Variants in SPRING1 observed in about 807,000 individuals in gnomAD.
SPRING1 encodes SREBP regulating gene protein.
In SPRING1, 14 loss-of-function variants were observed where a neutral mutation model predicts 24.7. The ratio of observed to expected loss-of-function variants is 0.57; its 90% CI spans 0.37 to 0.88. The LOEUF is 0.88. Among genes scored for constraint, SPRING1 ranks in the 40% least tolerant of loss-of-function variants. The pLI, the probability that SPRING1 is intolerant of heterozygous loss-of-function variation, is 0.00. For missense variants in SPRING1, 255 were observed against 268.4 expected (o/e 0.95, Z 0.35); for synonymous variants, 93 against 106.1 (o/e 0.88, Z 0.76).
chr12:116,731,627 G>A (rs2137044182), intron 1 of SPRING1, among the ~76,000 whole-genome samples: 1 of 152,214 alleles, frequency 6.6e-6, no homozygotes, highest in African/African-American at 2.4e-5. Context: ...GCCCACGCCT[G>A]TAGTCCCAAC....
rs772350394 is a variant in SPRING1 at position 116,723,065 on chromosome 12, A to G, written c.268+2T>C. 90 of 1,612,208 alleles carry G rather than the reference A, an allele frequency of 5.6e-5. No homozygotes were observed. The highest frequency in any genetic ancestry group is 7.2e-5 in the Non-Finnish European group (85 of 1,180,018). On this transcript the variant is annotated splice_donor_variant, in intron 2 of 4. Coordinates refer to ENST00000261318, the MANE Select transcript of SPRING1 (RefSeq NM_024738.4). LOFTEE classifies it high-confidence loss of function. ...CTGGAGAGGAAGGGAAGCCAGCCTC[A>G]CCGAGTTCATCCGTGATGAGGTGCT...
intron 4 of SPRING1, 21 bp downstream of exon 4, chr12:116,719,742 A>C: frequency 5.6e-6 from 9 of 1,594,358 alleles, no homozygotes; most frequent in African/African-American, 1.3e-5. Flanking sequence ...TCCCACAGCT[A>C]GAGACATCAC....
In SPRING1 at chr12:116,720,575, G is replaced by A. The variant is rs12321207; in HGVS notation, c.269-128C>T. The A allele has an allele frequency of 2.5e-3, 3,119 of 1,262,630 alleles. 49 individuals carry two copies. The African/African-American group carries it at 0.03, about 12-fold the overall frequency. 78.2% of individuals were successfully genotyped at this position (1,262,630 alleles called of 1,614,324 possible). A position where few individuals can be genotyped will look rare whatever the true frequency, so the allele number is the denominator to read the frequency against. ...AGTCTGGGGCATCATCCTAAGCACC[G>A]GAGAGCTGGAAACTGGACATAATGT... On this transcript the variant is annotated intron_variant, in intron 2 of 4. Transcript: ENST00000261318. This position sits in a 1 kb window ranked among gnomAD's most constrained non-coding sequence, Gnocchi z 4.0.
chr12:116,723,818 G>A (rs765209622), intron 1 of SPRING1, among the ~76,000 whole-genome samples: 27 of 152,134 alleles, frequency 1.8e-4, no homozygotes, highest in Non-Finnish European at 1.2e-4. Flanking sequence ...TATGTAACCC[G>A]CTACGGAACA....
At chr12:116,722,892 G>A (rs1870497341) in intron 2 of SPRING1, among the ~76,000 whole-genome samples, 175 bp downstream of exon 2, 2 of 152,224 alleles carry the variant, frequency 1.3e-5, no homozygotes, top group Non-Finnish European at 2.9e-5. Context: ...CTCTGATGTT[G>A]AAGGGAACCT....
intron 1 of SPRING1, among the ~76,000 whole-genome samples, chr12:116,729,087 C>T (rs990418817): frequency 6.6e-6 from 1 of 151,970 alleles, no homozygotes; most frequent in Admixed American, 6.6e-5. Flanking sequence ...TGTGAAAAAA[C>T]ACTTAAAAAA....
At chr12:116,736,831 G>A (rs1871245046) in intron 1 of SPRING1, among the ~76,000 whole-genome samples, 2 of 152,206 alleles carry the variant, frequency 1.3e-5, no homozygotes, top group South Asian at 2.1e-4. Flanking sequence ...GTGTTGGAGG[G>A]GTGGAATTCT....
chr12:116,729,949 G>A (rs549877946), intron 1 of SPRING1, among the ~76,000 whole-genome samples: 1 of 152,126 alleles, frequency 6.6e-6, no homozygotes, highest in East Asian at 1.9e-4. Flanking sequence ...GCCCAGGCTG[G>A]AGTGCAGTGG....
chr12:116,720,306 T>C lies in SPRING1; in HGVS notation c.410A>G (p.Gln137Arg). ...AYEYCVSCCL[Q>R]PNKQLLLERF... ...ATCAACTCCCCATACCTTGTTGGGC[T>C]GCAGGCAGCAGGAGACACAGTACTC... is the stretch of plus-strand genomic sequence containing the variant. Residue 137 changes from glutamine (Q) to arginine (R), a missense_variant, in exon 3 of 5, where the codon CAG (glutamine) becomes CGG (arginine). Gln to Arg is a conservative substitution (Grantham distance 43). Coordinates refer to ENST00000261318, the MANE Select transcript of SPRING1 (RefSeq NM_024738.4). The surrounding 1 kb of genome is among the most constrained non-coding windows in gnomAD (Gnocchi z 4.0). 2 of 1,610,124 alleles carry C rather than the reference T, an allele frequency of 1.2e-6. No individual in the cohort carries two copies. Among genetic ancestry groups the C allele is most frequent in the Non-Finnish European group, 1.7e-6 (2 of 1,178,776 alleles).
At chr12:116,737,320 G>C (rs1420191859) in intron 1 of SPRING1, among the ~76,000 whole-genome samples, 1 of 152,100 alleles carries the variant, frequency 6.6e-6, no homozygotes, top group Non-Finnish European at 1.5e-5. Context: ...TAAGGAAAAA[G>C]AGGAGGAAGG....
At position 116,714,131 on chromosome 12, in the gene SPRING1, T is replaced by C. The variant is rs1286154559; in HGVS notation, c.*3679A>G. On this transcript the variant is annotated 3_prime_UTR_variant, in exon 5 of 5. Transcript: ENST00000261318. Reference sequence around the variant, plus strand: ...CCTCACAGTGACCCTGAGAGGCAGATGCTGTGACCCCATTTCACAGATGAA... The same window carrying C: ...CCTCACAGTGACCCTGAGAGGCAGACGCTGTGACCCCATTTCACAGATGAA... 2.6e-5 allele frequency: 4 copies of C among 152,116 alleles called. No individual in the cohort carries two copies. Among genetic ancestry groups the C allele is most frequent in the African/African-American group, 9.7e-5 (4 of 41,402 alleles). 9.4% of individuals were successfully genotyped at this position (152,116 alleles called of 1,614,324 possible).
chr12:116,716,456 T>A lies in SPRING1; in HGVS notation c.*1354A>T, dbSNP rs1870134995. 6.6e-6 allele frequency: 1 copy of A among 152,608 alleles called. No homozygotes were observed. Among genetic ancestry groups the A allele is most frequent in the Admixed American group, 6.5e-5 (1 of 15,280 alleles). 9.5% of individuals were successfully genotyped at this position (152,608 alleles called of 1,614,324 possible). ...CAAAGACCTTGCTCAATCCTGAGGT[T>A]CGTGAGGAATATAGGAGAGTTGTGT... On this transcript the variant is annotated 3_prime_UTR_variant, in exon 5 of 5. Coordinates refer to ENST00000261318, the MANE Select transcript of SPRING1 (RefSeq NM_024738.4).
intron 2 of SPRING1, among the ~76,000 whole-genome samples, chr12:116,721,315 C>T (rs1566057338): frequency 2.6e-5 from 4 of 152,206 alleles, no homozygotes; most frequent in African/African-American, 9.7e-5. Flanking sequence ...CATGAGCTCC[C>T]AGGTGCACGT....
At chr12:116,718,613 G>A (rs1346176654) in intron 4 of SPRING1, among the ~76,000 whole-genome samples, 1 of 152,196 alleles carries the variant, frequency 6.6e-6, no homozygotes, top group African/African-American at 2.4e-5. Context: ...CAAATCAAAT[G>A]GCAATTGGGA....
chr12:116,736,225 A>G (rs1345387386), intron 1 of SPRING1, among the ~76,000 whole-genome samples: 1 of 152,162 alleles, frequency 6.6e-6, no homozygotes, highest in Admixed American at 6.5e-5. Flanking sequence ...TCCAGAGATC[A>G]CCTGAGTATT....
chr12:116,718,797 C>T (rs1870276163), intron 4 of SPRING1, among the ~76,000 whole-genome samples: 1 of 152,208 alleles, frequency 6.6e-6, no homozygotes, highest in South Asian at 2.1e-4. Context: ...CCTTCCTCCT[C>T]ATTTCCTTTA....
Position 116,720,132 on chromosome 12 carries a change from T to A in SPRING1, c.420+164A>T, listed in dbSNP as rs911314465. ...ACCATTCAAGCAACTGGGAACCACC[T>A]CCTTTCCTTAGATAAAAGCTATTGT... On this transcript the variant is annotated intron_variant, in intron 3 of 4. Coordinates refer to ENST00000261318, the MANE Select transcript of SPRING1 (RefSeq NM_024738.4). The surrounding 1 kb of genome is among the most constrained non-coding windows in gnomAD (Gnocchi z 4.0). The A allele has an allele frequency of 3.2e-6, 3 of 932,384 alleles. No individual in the cohort carries two copies. The highest frequency in any genetic ancestry group is 4.7e-6 in the Non-Finnish European group (3 of 633,288). 57.8% of individuals were successfully genotyped at this position (932,384 alleles called of 1,614,324 possible). A position where few individuals can be genotyped will look rare whatever the true frequency, so the allele number is the denominator to read the frequency against.
intron 1 of SPRING1, among the ~76,000 whole-genome samples, chr12:116,730,516 C>G (rs997946748): frequency 1.3e-5 from 2 of 152,170 alleles, no homozygotes; most frequent in African/African-American, 2.4e-5. Context: ...GAATATACTA[C>G]AAACAAGCGT....
chr12:116,737,747 G>C, intron 1 of SPRING1, 43 bp downstream of exon 1: 1 of 1,466,112 alleles, frequency 6.8e-7, no homozygotes, highest in Non-Finnish European at 9.1e-7. Context: ...GGGGAGGAAG[G>C]AAGGAAGAAG....
Sources: gnomAD v4.1 joint callset for allele counts (sites outside exome capture counted in the v4.1 genomes callset) on GRCh38, gnomAD v4.1.1 for gene constraint, Gnocchi (gnomAD v3.1) non-coding constraint, MANE v1.5 for transcripts, NCBI Gene and HGNC (gene_info 2026-07-23, HGNC 2026-07-21) for gene names.